RUFY3: variants seen among roughly 807,000 people sequenced by gnomAD.
RUFY3 encodes protein RUFY3.
In RUFY3, 34 loss-of-function variants were observed where a neutral mutation model predicts 84.0. The ratio of observed to expected loss-of-function variants is 0.40; its 90% confidence interval spans 0.31 to 0.54. The LOEUF is 0.54. Among genes scored for constraint, RUFY3 ranks in the 20% least tolerant of loss-of-function variants. The probability of loss-of-function intolerance (pLI) is 0.39; values close to 1 mark genes in which losing one functional copy is unlikely to be tolerated. For synonymous variants in RUFY3, 242 were observed against 252.9 expected (o/e 0.96, Z 0.41); for missense variants, 507 against 736.8 (o/e 0.69, Z 3.61).
At chr4:70,715,233 T>C (rs1741423997) in intron 1 of RUFY3, among the ~76,000 whole-genome samples, 1 of 152,172 alleles carries the variant, frequency 6.6e-6, no homozygotes, top group African/African-American at 2.4e-5. Flanking sequence ...TCATATAATT[T>C]AACAGAAACA....
intron 1 of RUFY3, among the ~76,000 whole-genome samples, chr4:70,738,899 A>G (rs1380003648): frequency 6.6e-6 from 1 of 151,618 alleles, no homozygotes; most frequent in Non-Finnish European, 1.5e-5. Flanking sequence ...CAGTCTGTCA[A>G]GTAGCCTGGT....
At chr4:70,760,194 T>G (rs1252221451) in intron 1 of RUFY3, among the ~76,000 whole-genome samples, 3 of 152,184 alleles carry the variant, frequency 2.0e-5, no homozygotes, top group African/African-American at 7.2e-5. Context: ...CTTAAACATT[T>G]CTGCTGCAGA....
Position 70,754,342 on chromosome 4 carries a change from C to A in RUFY3, c.179-8177C>A, listed in dbSNP as rs1476190163. On this transcript the variant is annotated intron_variant, in intron 1 of 17. Coordinates refer to ENST00000381006, the MANE Select transcript of RUFY3 (RefSeq NM_001037442.4). ...TGCTGGGATTACAGGTGTGAGCCAC[C>A]AAGCCTGGCTGGTTAATTTTTTTGA... Among the ~76,000 whole-genome samples the A allele has an allele frequency of 3.3e-5, 5 of 152,144 alleles. No homozygotes were observed. The East Asian group carries it at 9.6e-4, about 29-fold the overall frequency.
chr4:70,767,149 G>A (rs764870965), intron 4 of RUFY3, among the ~76,000 whole-genome samples: 2 of 151,084 alleles, frequency 1.3e-5, no homozygotes, highest in East Asian at 3.9e-4. Context: ...GCAGTGGCAC[G>A]ATCTCAGCTC....
At chr4:70,778,847 TG>T (rs1185346837) in intron 8 of RUFY3, among the ~76,000 whole-genome samples, 1 of 152,190 alleles carries the variant, frequency 6.6e-6, no homozygotes, top group Non-Finnish European at 1.5e-5. Context: ...CCCAAAGTGC[TG>T]GGATTACAGG....
intron 1 of RUFY3, among the ~76,000 whole-genome samples, chr4:70,715,624 C>A (rs1005019632): frequency 5.7e-5 from 8 of 141,290 alleles, no homozygotes; most frequent in East Asian, 2.2e-4. Flanking sequence ...GCTACCCTTT[C>A]ATGCTAACAG....
intron 5 of RUFY3, among the ~76,000 whole-genome samples, chr4:70,772,762 G>C (rs902141210): frequency 1.2e-4 from 19 of 152,104 alleles, no homozygotes; most frequent in Admixed American, 9.8e-4. Flanking sequence ...CTGGATTCAA[G>C]CAATTCTCCT....
intron 12 of RUFY3, chr4:70,792,598 T>C: frequency 1.0e-6 from 1 of 985,424 alleles, no homozygotes; most frequent in Non-Finnish European, 1.2e-6. Context: ...TGGGTTTTTT[T>C]CTCTTTTTTT....
chr4:70,789,736 T>C, intron 12 of RUFY3, 144 bp downstream of exon 12: 1 of 1,340,214 alleles, frequency 7.5e-7, no homozygotes, highest in Admixed American at 3.5e-5. Flanking sequence ...GCCAGTTGAA[T>C]GTTATGTGTG....
intron 14 of RUFY3, 173 bp from the exon 15 acceptor site, chr4:70,799,968 A>G (rs1430559569): frequency 1.8e-6 from 1 of 544,996 alleles, no homozygotes; most frequent in Non-Finnish European, 3.2e-6. Flanking sequence ...AATAATTAAG[A>G]AACTACTTAG....
chr4:70,792,740 T>C lies in RUFY3; in HGVS notation c.1338-1045T>C, dbSNP rs1035538406. ...TTAAGAGTGTAAGATAGATTCCATG[T>C]GTGCTTATATAGGTCCCTGCACAGA... is the stretch of plus-strand genomic sequence containing the variant. On this transcript the variant is annotated intron_variant, in intron 12 of 17. Coordinates refer to ENST00000381006, the MANE Select transcript of RUFY3 (RefSeq NM_001037442.4). 23 of 985,308 alleles carry C rather than the reference T, an allele frequency of 2.3e-5. No homozygotes were observed. In the Admixed American group the frequency reaches 2.5e-4, roughly 11 times the overall value. The allele number at this position is 985,308 out of a possible 1,614,324, so 61.0% of individuals were successfully genotyped here.
intron 6 of RUFY3, among the ~76,000 whole-genome samples, chr4:70,774,644 A>AATATATATATATATATATAT (rs1553916772): frequency 8.8e-5 from 5 of 56,678 alleles, no homozygotes; most frequent in Admixed American, 2.5e-4. Flanking sequence ...AAAAAAAAAA[A>AATATATATATATATATATAT]ATATATATAT....
chr4:70,799,399 G>C (rs905703536), intron 14 of RUFY3: 1 of 152,142 alleles, frequency 6.6e-6, no homozygotes, highest in African/African-American at 2.4e-5. Flanking sequence ...AATTAGCTGG[G>C]CATGGTGGCG....
chr4:70,791,504 G>A, intron 12 of RUFY3: 11 of 1,362,610 alleles, frequency 8.1e-6, no homozygotes, highest in South Asian at 4.0e-5. Context: ...TAGAAAAATT[G>A]GTATAAGTTC....
At chr4:70,778,573 CTTTTTTT>C (rs377520137) in intron 8 of RUFY3, 135 bp downstream of exon 8, 18 of 151,806 alleles carry the variant, frequency 1.2e-4, no homozygotes, top group East Asian at 3.6e-4. Context: ...ACTTCTTATT[CTTTTTTT>C]TTTTTTTTTT....
intron 12 of RUFY3, chr4:70,791,806 A>G (rs1730865495): frequency 2.0e-6 from 2 of 986,144 alleles, no homozygotes; most frequent in Non-Finnish European, 2.4e-6. Context: ...CACTTTTGTT[A>G]TATAGGTTTA....
intron 6 of RUFY3, among the ~76,000 whole-genome samples, chr4:70,773,905 T>G (rs1727401660): frequency 6.6e-6 from 1 of 152,188 alleles, no homozygotes; most frequent in Non-Finnish European, 1.5e-5. Context: ...ATTCTCAGTT[T>G]GCTTAAAATT....
chr4:70,710,496 C>T (rs1471919839), intron 1 of RUFY3, among the ~76,000 whole-genome samples: 1 of 151,496 alleles, frequency 6.6e-6, no homozygotes, highest in Non-Finnish European at 1.5e-5. Flanking sequence ...CATGGAGAAA[C>T]CCTGTCTCTA....
Position 70,804,365 on chromosome 4 carries a change from T to C in RUFY3, c.1668T>C (p.Ser556=). ...PMDEQDQLLL[S]EKPQLCQLCQ... is the part of the protein sequence containing the mutation. ...TGGTTTAGGATCAGCTGCTGCTCTC[T>C]GAAAAGCCACAGTTGTGTCAGCTAT... Residue 556 remains serine, a synonymous_variant, in exon 17 of 18, where the codon TCT becomes TCC. Coordinates refer to ENST00000381006, the MANE Select transcript of RUFY3 (RefSeq NM_001037442.4). The C allele has an allele frequency of 6.2e-7, 1 of 1,614,012 alleles. No homozygotes were observed. Among genetic ancestry groups the C allele is most frequent in the Non-Finnish European group, 8.5e-7 (1 of 1,179,932 alleles).
Sources: gnomAD v4.1 joint callset for allele counts (sites outside exome capture counted in the v4.1 genomes callset) on GRCh38, gnomAD v4.1.1 for gene constraint, MANE v1.5 for transcripts, NCBI Gene and HGNC (gene_info 2026-07-23, HGNC 2026-07-21) for gene names.